EEA1: variants seen among roughly 807,000 people sequenced by gnomAD.
EEA1 encodes early endosome antigen 1.
Under a neutral mutation model 209.2 loss-of-function variants are expected in EEA1, and 111 were observed. The ratio of observed to expected loss-of-function variants is 0.53; its 90% CI spans 0.45 to 0.62. The LOEUF (loss-of-function observed/expected upper bound fraction) is 0.62. EEA1 is among the 20% of genes least tolerant of loss of function. The pLI is 0.00. For synonymous variants in EEA1, 536 were observed against 540.6 expected (o/e 0.99, Z 0.12); for missense variants, 1,343 against 1,530.8 (o/e 0.88, Z 2.05).
At chr12:92,808,616 G>A (rs543046844) in intron 18 of EEA1, among the ~76,000 whole-genome samples, 22 of 151,938 alleles carry the variant, frequency 1.4e-4, no homozygotes, top group Admixed American at 5.3e-4. Flanking sequence ...CTTCTTATAA[G>A]AAAGAATCCA....
intron 1 of EEA1, among the ~76,000 whole-genome samples, chr12:92,915,226 G>A (rs1043362294): frequency 6.6e-6 from 1 of 152,080 alleles, no homozygotes; most frequent in Non-Finnish European, 1.5e-5. Context: ...CAGCACTTTG[G>A]GATGCCAAGG....
intron 12 of EEA1, among the ~76,000 whole-genome samples, chr12:92,826,545 TAA>T (rs533887217): frequency 6.9e-6 from 1 of 144,348 alleles, no homozygotes. Context: ...CTGTCTCTAC[TAA>T]AAAAAAAAAA....
chr12:92,771,704 T>C lies in EEA1; in HGVS notation c.*4307A>G, dbSNP rs1214071845. On this transcript the variant is annotated 3_prime_UTR_variant, in exon 29 of 29. Transcript: ENST00000322349. Reference sequence around the variant, plus strand: ...TTTCTGGTTAAAAAAAATTTTTACATTAACAATCATCTTGCAAATGTTTAG... The same window carrying C: ...TTTCTGGTTAAAAAAAATTTTTACACTAACAATCATCTTGCAAATGTTTAG... 1 of 151,976 alleles carries C rather than the reference T, an allele frequency of 6.6e-6. No individual in the cohort carries two copies. Among genetic ancestry groups the C allele is most frequent in the African/African-American group, 2.4e-5 (1 of 41,426 alleles). The allele number at this position is 151,976 out of a possible 1,614,324, so 9.4% of individuals were successfully genotyped here.
At chr12:92,837,287 C>T (rs1382205266) in intron 10 of EEA1, among the ~76,000 whole-genome samples, 2 of 152,184 alleles carry the variant, frequency 1.3e-5, no homozygotes, top group Non-Finnish European at 2.9e-5. Context: ...AACAGACTCT[C>T]AGAGGCTTAG....
At chr12:92,835,889 AC>A (rs888990527) in intron 10 of EEA1, among the ~76,000 whole-genome samples, 18 of 152,240 alleles carry the variant, frequency 1.2e-4, no homozygotes, top group South Asian at 8.3e-4. Flanking sequence ...AATCTAATCC[AC>A]TCACACTTTG....
rs115252595 is a variant in EEA1, at chr12:92,777,518, T to G, written c.4014+25A>C. ...ATAAGCCAATTCTAGACTAAAAAAC[T>G]GCTTCATATCCATAGGTGACTGACC... On this transcript the variant is annotated intron_variant, in intron 27 of 28. Transcript: ENST00000322349. 1.7e-3 allele frequency: 2,646 copies of G among 1,580,334 alleles called. 38 individuals are homozygous for G. The African/African-American group carries it at 0.028, about 17-fold the overall frequency.
In EEA1 at chr12:92,891,718, G is replaced by C; in HGVS notation, c.28C>G (p.Pro10Ala). Reference sequence around the variant, plus strand: ...GAACCTTGAGAGCCAACTCTCCCAGGAGTCTGGAACACAAACAGTAGGGAG... The same window carrying C: ...GAACCTTGAGAGCCAACTCTCCCAGCAGTCTGGAACACAAACAGTAGGGAG... MLRRILQRTPGRVGSQGSDL... is the reference protein window; with the variant it reads MLRRILQRTAGRVGSQGSDL... The change falls in exon 2 of 29, where the codon CCT becomes GCT. Residue 10 changes from proline to alanine, a missense_variant. This residue lies in a region of EEA1 where 1,307 missense variants were observed against 1,465.5 expected (regional missense o/e 0.89). Coordinates refer to ENST00000322349, the MANE Select transcript of EEA1 (RefSeq NM_003566.4). 6.2e-7 allele frequency: 1 copy of C among 1,607,920 alleles called. No homozygotes were observed. The highest frequency in any genetic ancestry group is 8.5e-7 in the Non-Finnish European group (1 of 1,178,244).
chr12:92,851,933 G>T (rs1877648149), intron 8 of EEA1, among the ~76,000 whole-genome samples: 2 of 152,038 alleles, frequency 1.3e-5, no homozygotes, highest in Admixed American at 6.6e-5. Context: ...CTACTAAAAT[G>T]ACAGATGATA....
intron 2 of EEA1, chr12:92,879,487 T>C (rs897008291): frequency 6.6e-6 from 2 of 304,470 alleles, no homozygotes; most frequent in African/African-American, 4.6e-5. Flanking sequence ...CATATTATCA[T>C]CTCAATAGAT....
intron 3 of EEA1, 81 bp downstream of exon 3, chr12:92,864,779 C>T: frequency 7.6e-7 from 1 of 1,314,776 alleles, no homozygotes. Flanking sequence ...TTACTATTTT[C>T]ATAAGCTAAT....
At chr12:92,829,009 A>G (rs1876471073) in intron 11 of EEA1, among the ~76,000 whole-genome samples, 1 of 152,256 alleles carries the variant, frequency 6.6e-6, no homozygotes, top group African/African-American at 2.4e-5. Context: ...GAATCCTTTT[A>G]TTATAATTCT....
chr12:92,790,797 G>T (rs1195444446), intron 21 of EEA1, among the ~76,000 whole-genome samples: 1 of 152,118 alleles, frequency 6.6e-6, no homozygotes, highest in African/African-American at 2.4e-5. Context: ...TCCTCAAGAA[G>T]AGCAACTCCA....
intron 1 of EEA1, among the ~76,000 whole-genome samples, chr12:92,926,412 A>C (rs1013123984): frequency 6.6e-6 from 1 of 152,214 alleles, no homozygotes; most frequent in Non-Finnish European, 1.5e-5. Flanking sequence ...AGGGAGGGGT[A>C]AAATAGGTTG....
At chr12:92,919,355 C>T (rs1172481261) in intron 1 of EEA1, among the ~76,000 whole-genome samples, 1 of 146,700 alleles carries the variant, frequency 6.8e-6, no homozygotes, top group Admixed American at 6.8e-5. Flanking sequence ...CAATAAAATA[C>T]TGGCAAACTG....
chr12:92,886,026 A>C (rs1375298527), intron 2 of EEA1, among the ~76,000 whole-genome samples: 3 of 152,180 alleles, frequency 2.0e-5, no homozygotes, highest in East Asian at 3.9e-4. Context: ...ATCCAACAGA[A>C]AGAACTGGCA....
At chr12:92,858,269 A>G (rs532751367) in intron 3 of EEA1, 1 of 730,420 alleles carries the variant, frequency 1.4e-6, no homozygotes, top group Admixed American at 1.8e-5. Context: ...CTAAAACTGG[A>G]ATGATCCTTC....
chr12:92,844,668 T>C (rs908970749), intron 9 of EEA1, among the ~76,000 whole-genome samples: 1 of 152,126 alleles, frequency 6.6e-6, no homozygotes, highest in African/African-American at 2.4e-5. Flanking sequence ...GGGTAACAAT[T>C]TGACTATTTT....
chr12:92,834,285 T>A (rs532517345), intron 10 of EEA1, among the ~76,000 whole-genome samples: 1 of 152,240 alleles, frequency 6.6e-6, no homozygotes, highest in East Asian at 1.9e-4. Flanking sequence ...AGCTCACACC[T>A]GTAATCCCAG....
chr12:92,787,728 C>CA (rs1874194608), intron 22 of EEA1, 139 bp downstream of exon 22: 1 of 673,832 alleles, frequency 1.5e-6, no homozygotes, highest in East Asian at 3.3e-5. Flanking sequence ...CATGCTAATA[C>CA]AAAATAACAA....
Sources: gnomAD v4.1 joint callset for allele counts (sites outside exome capture counted in the v4.1 genomes callset) on GRCh38, gnomAD v4.1.1 for gene constraint, gnomAD v4.1.1 regional missense constraint, MANE v1.5 for transcripts, NCBI Gene and HGNC (gene_info 2026-07-23, HGNC 2026-07-21) for gene names.